FOXP1: variants seen among roughly 807,000 people sequenced by gnomAD.
The protein encoded by FOXP1 is forkhead box P1, also known as forkhead box protein P1.
A neutral mutation model predicts 98.2 loss-of-function variants in FOXP1; 15 were observed. The ratio of observed to expected loss-of-function variants is 0.15; its 90% CI spans 0.10 to 0.24. The LOEUF (loss-of-function observed/expected upper bound fraction) is 0.24. Ranked by LOEUF, FOXP1 falls within the 10% of genes least tolerant of loss-of-function variation. The pLI is 1.00. For synonymous variants in FOXP1, 371 were observed against 314.5 expected (o/e 1.18, Z -1.90); for missense variants, 633 against 848.5 (o/e 0.75, Z 3.15).
At chr3:71,093,621 C>G (rs1164303789) in intron 7 of FOXP1, among the ~76,000 whole-genome samples, 1 of 151,020 alleles carries the variant, frequency 6.6e-6, no homozygotes, top group South Asian at 2.1e-4. Flanking sequence ...ATATGCAATT[C>G]TCTACTTCAG....
intron 5 of FOXP1, among the ~76,000 whole-genome samples, chr3:71,227,216 T>A (rs1343018417): frequency 2.0e-5 from 3 of 152,016 alleles, no homozygotes; most frequent in African/African-American, 7.2e-5. Context: ...GCTTTTATGA[T>A]CCTCATGTCT....
intron 7 of FOXP1, among the ~76,000 whole-genome samples, chr3:71,070,365 G>A (rs1270062912): frequency 6.6e-6 from 1 of 152,154 alleles, no homozygotes; most frequent in African/African-American, 2.4e-5. Context: ...ACTCTCCGGG[G>A]AGAGCATGTC....
At chr3:71,534,827 A>C (rs1560620039) in intron 2 of FOXP1, among the ~76,000 whole-genome samples, 1 of 151,780 alleles carries the variant, frequency 6.6e-6, no homozygotes, top group Admixed American at 6.6e-5. Flanking sequence ...TTGTTCCAAG[A>C]CTCTCTCTTA....
chr3:71,090,005 T>G (rs2055616746), intron 7 of FOXP1, among the ~76,000 whole-genome samples: 1 of 152,134 alleles, frequency 6.6e-6, no homozygotes, highest in South Asian at 2.1e-4. Context: ...TGACAGAAAA[T>G]GAGATTTTCA....
At chr3:71,119,295 C>T (rs984661531) in intron 6 of FOXP1, among the ~76,000 whole-genome samples, 1 of 152,166 alleles carries the variant, frequency 6.6e-6, no homozygotes, top group African/African-American at 2.4e-5. Flanking sequence ...ACAGCATGTG[C>T]CTTATTGGTG....
chr3:71,034,321 G>A (rs1229533000), intron 11 of FOXP1, among the ~76,000 whole-genome samples: 1 of 152,122 alleles, frequency 6.6e-6, no homozygotes, highest in African/African-American at 2.4e-5. Flanking sequence ...TGTAGTGAAG[G>A]TGGTCTGGGG....
chr3:71,456,435 T>A (rs1441395574), intron 3 of FOXP1, among the ~76,000 whole-genome samples: 6 of 152,180 alleles, frequency 3.9e-5, no homozygotes, highest in Non-Finnish European at 7.3e-5. Context: ...TGATTCACAA[T>A]GTATGGAGCT....
At chr3:71,357,145 G>A (rs1270364375) in intron 4 of FOXP1, among the ~76,000 whole-genome samples, 1 of 152,152 alleles carries the variant, frequency 6.6e-6, no homozygotes, top group Admixed American at 6.5e-5. Context: ...CCATATAGGG[G>A]GAACAGAATT....
intron 7 of FOXP1, among the ~76,000 whole-genome samples, chr3:71,057,485 A>C (rs79249615): frequency 6.7e-6 from 1 of 149,450 alleles, no homozygotes; most frequent in Non-Finnish European, 1.5e-5. Flanking sequence ...AAAAAAAAAA[A>C]TTTCCGATAC....
intron 9 of FOXP1, among the ~76,000 whole-genome samples, chr3:71,049,941 C>T (rs992992905): frequency 6.6e-6 from 1 of 152,154 alleles, no homozygotes; most frequent in Non-Finnish European, 1.5e-5. Context: ...GGAGACCCAT[C>T]CACTGGTCTG....
At chr3:71,296,504 A>G (rs1013319488) in intron 5 of FOXP1, 3 of 152,346 alleles carry the variant, frequency 2.0e-5, no homozygotes, top group Admixed American at 2.0e-4. Context: ...CACCTTGTTC[A>G]AAGGTAAAAA....
At chr3:71,200,372 G>C (rs1253174810) in intron 5 of FOXP1, among the ~76,000 whole-genome samples, 3 of 152,176 alleles carry the variant, frequency 2.0e-5, no homozygotes, top group African/African-American at 7.2e-5. Context: ...TTGCGGATGA[G>C]AAAACTAAGG....
At chr3:70,997,639 G>A (rs1016364825) in intron 13 of FOXP1, among the ~76,000 whole-genome samples, 8 of 152,144 alleles carry the variant, frequency 5.3e-5, no homozygotes, top group African/African-American at 1.9e-4. Context: ...ACTCTCTTTT[G>A]AATAAATTTC....
intron 3 of FOXP1, among the ~76,000 whole-genome samples, chr3:71,488,519 T>C (rs1309000616): frequency 6.6e-6 from 1 of 152,224 alleles, no homozygotes; most frequent in Non-Finnish European, 1.5e-5. Flanking sequence ...ACTACATTAC[T>C]AATATATTCC....
chr3:71,411,020 AG>A (rs1225882618), intron 3 of FOXP1, among the ~76,000 whole-genome samples: 12 of 152,348 alleles, frequency 7.9e-5, no homozygotes, highest in African/African-American at 2.9e-4. Context: ...GGCTTTCTTT[AG>A]GAACTCCAAT....
rs149960989 is a variant in FOXP1, at chr3:71,414,738, G to A, written c.-167-55494C>T. 5.3e-5 allele frequency among the ~76,000 whole-genome samples: 8 copies of A among 152,308 alleles called. No homozygotes were observed. In the East Asian group the frequency reaches 1.2e-3, roughly 22 times the overall value. ...CTTAGGAGCCTTGCTGGGAAACACC[G>A]GGTGTGCCTAAGACAATGCCATGGG... On this transcript the variant is annotated intron_variant, in intron 3 of 20. Transcript: ENST00000649528.
intron 3 of FOXP1, among the ~76,000 whole-genome samples, chr3:71,359,700 T>G (rs1282514823): frequency 6.6e-6 from 1 of 151,976 alleles, no homozygotes; most frequent in Non-Finnish European, 1.5e-5. Context: ...CCCAAATAAT[T>G]TTGGAATTGT....
chr3:71,056,808 G>A (rs2050706617), intron 7 of FOXP1, among the ~76,000 whole-genome samples: 1 of 148,462 alleles, frequency 6.7e-6, no homozygotes, highest in South Asian at 2.1e-4. Flanking sequence ...CTATGGTGGG[G>A]TAGAAAAGAA....
chr3:70,964,656 G>A (rs2034346146), intron 20 of FOXP1, among the ~76,000 whole-genome samples: 1 of 152,206 alleles, frequency 6.6e-6, no homozygotes, highest in Non-Finnish European at 1.5e-5. Flanking sequence ...TGGAAAGGAT[G>A]AAATATAGCA....
Sources: gnomAD v4.1 joint callset for allele counts (sites outside exome capture counted in the v4.1 genomes callset) on GRCh38, gnomAD v4.1.1 for gene constraint, MANE v1.5 for transcripts, NCBI Gene and HGNC (gene_info 2026-07-23, HGNC 2026-07-21) for gene names.